Variants in IGF2R observed in about 807,000 individuals in gnomAD.
IGF2R encodes insulin like growth factor 2 receptor.
IGF2R carries 91 observed loss-of-function variants against 270.6 expected under a neutral mutation model. That is an observed-to-expected ratio of 0.34 (90% confidence interval 0.28 to 0.40). IGF2R has a LOEUF of 0.40. Ranked by LOEUF, IGF2R falls within the 10% of genes least tolerant of loss-of-function variation. The pLI, the probability that IGF2R is intolerant of heterozygous loss-of-function variation, is 1.00. For synonymous variants in IGF2R, 1,316 were observed against 1,258.9 expected, an observed-to-expected ratio of 1.05 and a Z score of -0.96; for missense variants, 2,805 against 3,188.3, an observed-to-expected ratio of 0.88 and a Z score of 2.90.
In IGF2R at chr6:160,108,186, T is replaced by G. The variant is rs1042347960; in HGVS notation, c.*3102T>G. The G allele has an allele frequency of 2.4e-4, 36 of 152,312 alleles. No homozygotes were observed. Among genetic ancestry groups the G allele is most frequent in the African/African-American group, 8.4e-4 (35 of 41,472 alleles). The allele number at this position is 152,312 out of a possible 1,614,324, so 9.4% of individuals were successfully genotyped here. ...CTTTCTTACTTCTCCGGTTCCACTC[T>G]GTTGACTAGTAGTTGGCCTCTTGAG... On this transcript the variant is annotated 3_prime_UTR_variant, in exon 48 of 48. Transcript: ENST00000356956.
chr6:160,058,811 T>A (rs1778367322), intron 21 of IGF2R, 95 bp from the exon 22 acceptor site: 4 of 1,084,254 alleles, frequency 3.7e-6, no homozygotes, highest in Non-Finnish European at 5.4e-6. Context: ...TAAGAAATGT[T>A]TAACCTAGTG....
chr6:160,013,339 C>G (rs1784367129), intron 4 of IGF2R, among the ~76,000 whole-genome samples: 1 of 122,166 alleles, frequency 8.2e-6, no homozygotes, highest in African/African-American at 3.1e-5. Flanking sequence ...TGTTACAAAA[C>G]AAAGAGGAAT....
rs143632853 is a variant in IGF2R at position 159,994,504 on chromosome 6, C to CT, written c.289+3191dup. On this transcript the variant is annotated intron_variant, in intron 2 of 47. Transcript: ENST00000356956. ...CTGTTAGGTTTCAATTTGGTTTGTT[C>CT]TTTTTTTTTTCTAGTGCCATGAGGG... 3.5e-4 allele frequency among the ~76,000 whole-genome samples: 52 copies of CT among 146,612 alleles called. 1 individual carries two copies. Among genetic ancestry groups the CT allele is most frequent in the Admixed American group, 8.8e-4 (13 of 14,736 alleles).
intron 45 of IGF2R, among the ~76,000 whole-genome samples, chr6:160,099,647 G>GTGA (rs1182165128): frequency 6.6e-6 from 1 of 152,174 alleles, no homozygotes; most frequent in East Asian, 1.9e-4. Context: ...GATTACAGGC[G>GTGA]TGAGCCACCG....
At position 160,032,701 on chromosome 6, in the gene IGF2R, G is replaced by T; in HGVS notation, c.1033G>T (p.Ala345Ser). The change falls in exon 8 of 48, where the codon GCC becomes TCC. Residue 345 changes from alanine to serine, a missense_variant. Transcript: ENST00000356956. ...QDVSIDLTPL[A>S]QSGGSSYISD... ...TGTCTCCATAGACCTCACACCACTT[G>T]CCCAGAGCGGAGGTAAGCAGGTGCT... 2.5e-6 allele frequency: 4 copies of T among 1,613,808 alleles called. No individual in the cohort carries two copies. The highest frequency in any genetic ancestry group is 3.4e-6 in the Non-Finnish European group (4 of 1,179,942).
At chr6:160,090,249 C>A in intron 44 of IGF2R, 146 bp downstream of exon 44, 2 of 546,216 alleles carry the variant, frequency 3.7e-6, no homozygotes, top group Non-Finnish European at 3.1e-6. Context: ...TTATGAATTT[C>A]TTGACAGTGG....
At chr6:160,083,032 G>A (rs1170315024) in intron 39 of IGF2R, among the ~76,000 whole-genome samples, 3 of 152,216 alleles carry the variant, frequency 2.0e-5, no homozygotes, top group African/African-American at 4.8e-5. Flanking sequence ...CCAGGGGACC[G>A]GCACTCAGCA....
chr6:160,076,164 G>A (rs977800645), intron 36 of IGF2R, among the ~76,000 whole-genome samples, 168 bp downstream of exon 36: 2 of 152,210 alleles, frequency 1.3e-5, no homozygotes, highest in African/African-American at 4.8e-5. Context: ...CACTGATTGA[G>A]GGCTGAGTGA....
intron 7 of IGF2R, among the ~76,000 whole-genome samples, chr6:160,031,143 GT>G (rs1442068188): frequency 6.6e-6 from 1 of 152,110 alleles, no homozygotes. Flanking sequence ...CACCGGCCAG[GT>G]TTCTTTTCAA....
At chr6:160,027,942 C>T (rs1777598823) in intron 6 of IGF2R, among the ~76,000 whole-genome samples, 1 of 151,970 alleles carries the variant, frequency 6.6e-6, no homozygotes, top group Non-Finnish European at 1.5e-5. Flanking sequence ...GTCTGGAGCT[C>T]GTGGCATGTC....
At chr6:160,074,826 C>T (rs187318768) in intron 35 of IGF2R, among the ~76,000 whole-genome samples, 104 of 152,300 alleles carry the variant, frequency 6.8e-4, no homozygotes, top group Admixed American at 1.2e-3. Flanking sequence ...AGATCGGCCA[C>T]AGCCTGAATT....
intron 2 of IGF2R, among the ~76,000 whole-genome samples, chr6:160,002,108 A>G (rs1784139353): frequency 6.6e-6 from 1 of 152,212 alleles, no homozygotes; most frequent in Non-Finnish European, 1.5e-5. Context: ...TAAGAAAATC[A>G]GGCCGGGTGT....
Position 160,103,778 on chromosome 6 carries a change from G to A in IGF2R, c.7028G>A (p.Cys2343Tyr). The part of the protein sequence containing the change: ...ETVISKLTTC[C>Y]RRSSNVSYKY... ...GTGATAAGTAAGCTGACCACTTGCT[G>A]TAGGAGAAGTTCCAACGTGTCCTAC... is the stretch of plus-strand genomic sequence containing the variant. The change falls in exon 47 of 48, where the codon TGT (cysteine) becomes TAT (tyrosine). Residue 2343 changes from cysteine (C) to tyrosine (Y), a missense_variant. Transcript: ENST00000356956. 1.2e-6 allele frequency: 2 copies of A among 1,612,120 alleles called. No individual in the cohort carries two copies. The highest frequency in any genetic ancestry group is 1.7e-6 in the Non-Finnish European group (2 of 1,178,214).
chr6:160,059,619 T>C (rs1262051618), intron 22 of IGF2R, among the ~76,000 whole-genome samples: 1 of 152,180 alleles, frequency 6.6e-6, no homozygotes, highest in Non-Finnish European at 1.5e-5. Flanking sequence ...ATCATATCAC[T>C]TCCCAGCTCA....
At chr6:159,993,516 G>A (rs560137654) in intron 2 of IGF2R, among the ~76,000 whole-genome samples, 7 of 152,296 alleles carry the variant, frequency 4.6e-5, no homozygotes, top group Non-Finnish European at 8.8e-5. Context: ...CTTTGTCAAA[G>A]ATCAGTTGGT....
Position 160,024,592 on chromosome 6 carries a change from T to A in IGF2R, c.534T>A (p.Asp178Glu). The A allele has an allele frequency of 6.2e-7, 1 of 1,614,118 alleles. No individual in the cohort carries two copies. Among genetic ancestry groups the A allele is most frequent in the Non-Finnish European group, 8.5e-7 (1 of 1,179,996 alleles). Reference sequence around the variant, plus strand: ...TCCAGGTGCCATGCTATGTGTTTGATGAAGAGTTGAGGAAGCATGATCTCA... The same window carrying A: ...TCCAGGTGCCATGCTATGTGTTTGAAGAAGAGTTGAGGAAGCATGATCTCA... Reference protein sequence around the residue: ...ANKEVPCYVFDEELRKHDLNP... With the variant: ...ANKEVPCYVFEEELRKHDLNP... Residue 178 changes from aspartate to glutamate, a missense_variant, in exon 5 of 48, where the codon GAT becomes GAA. Physicochemically the swap from Asp to Glu is conservative, Grantham distance 45. Transcript: ENST00000356956.
intron 34 of IGF2R, 36 bp downstream of exon 34, chr6:160,073,505 C>G: frequency 6.2e-7 from 1 of 1,608,386 alleles, no homozygotes; most frequent in East Asian, 2.2e-5. Context: ...AAGTGCATGT[C>G]CAGTGCCTGG....
chr6:160,104,850 G>A lies in IGF2R; in HGVS notation c.7242G>A (p.Leu2414=), dbSNP rs895216657. The A allele has an allele frequency of 6.2e-7, 1 of 1,614,212 alleles. No individual in the cohort carries two copies. Among genetic ancestry groups the A allele is most frequent in the Non-Finnish European group, 8.5e-7 (1 of 1,180,044 alleles). The change falls in exon 48 of 48, where the codon CTG becomes CTA. Residue 2414 remains leucine, a synonymous_variant. Transcript: ENST00000356956. ...ACCAGGACAGTGAGGATGAGGTTCTGACCATCCCAGAGGTGAAAGTTCACT... is the reference window on the plus strand; with the variant it reads ...ACCAGGACAGTGAGGATGAGGTTCTAACCATCCCAGAGGTGAAAGTTCACT... ...GDDQDSEDEV[L]TIPEVKVHSG... is the part of the protein sequence containing the mutation.
At chr6:159,983,101 AACTC>A (rs1255363899) in intron 1 of IGF2R, among the ~76,000 whole-genome samples, 1 of 152,148 alleles carries the variant, frequency 6.6e-6, no homozygotes, top group Non-Finnish European at 1.5e-5. Context: ...AGACATTTAG[AACTC>A]ACTCAGTGGA....
Sources: gnomAD v4.1 joint callset for allele counts (sites outside exome capture counted in the v4.1 genomes callset) on GRCh38, gnomAD v4.1.1 for gene constraint, MANE v1.5 for transcripts, NCBI Gene and HGNC (gene_info 2026-07-23, HGNC 2026-07-21) for gene names.